CAMK1D: variants seen among roughly 807,000 people sequenced by gnomAD.
The protein encoded by CAMK1D is calcium/calmodulin dependent protein kinase ID.
A neutral mutation model predicts 47.7 loss-of-function variants in CAMK1D; 9 were observed. That is an observed-to-expected ratio of 0.19 (90% CI 0.11 to 0.33). CAMK1D has a LOEUF of 0.33. CAMK1D is among the 10% of genes least tolerant of loss of function. The pLI, the probability that CAMK1D is intolerant of heterozygous loss-of-function variation, is 1.00. For missense variants in CAMK1D, 291 were observed against 488.7 expected, an observed-to-expected ratio of 0.60 and a Z score of 3.81; for synonymous variants, 184 against 184.9, an observed-to-expected ratio of 0.99 and a Z score of 0.04.
chr10:12,430,581 G>A (rs1396818218), intron 1 of CAMK1D, among the ~76,000 whole-genome samples: 1 of 152,210 alleles, frequency 6.6e-6, no homozygotes, highest in Non-Finnish European at 1.5e-5. Flanking sequence ...TGCTGATTTT[G>A]CAAACACACT....
intron 1 of CAMK1D, among the ~76,000 whole-genome samples, chr10:12,471,617 G>A (rs1833748676): frequency 6.6e-6 from 1 of 152,196 alleles, no homozygotes; most frequent in Non-Finnish European, 1.5e-5. Context: ...TAGAATGCCT[G>A]CCCCTTCACT....
intron 1 of CAMK1D, among the ~76,000 whole-genome samples, chr10:12,412,248 T>A (rs1055461635): frequency 6.6e-6 from 1 of 152,036 alleles, no homozygotes; most frequent in East Asian, 1.9e-4. Context: ...GAGGGGAAGC[T>A]GTCCCCTGCC....
intron 1 of CAMK1D, among the ~76,000 whole-genome samples, chr10:12,468,404 G>T (rs1344726124): frequency 1.3e-5 from 2 of 152,210 alleles, no homozygotes; most frequent in African/African-American, 4.8e-5. Flanking sequence ...GGTGAAGTAT[G>T]ATTGGAGAAA....
intron 2 of CAMK1D, among the ~76,000 whole-genome samples, chr10:12,585,799 C>G (rs1039640479): frequency 1.3e-5 from 2 of 152,186 alleles, no homozygotes; most frequent in Non-Finnish European, 2.9e-5. Flanking sequence ...GGGACACAGC[C>G]AAACCACGTC....
intron 8 of CAMK1D, among the ~76,000 whole-genome samples, chr10:12,821,689 A>C (rs1050023888): frequency 2.6e-5 from 4 of 152,210 alleles, no homozygotes; most frequent in Non-Finnish European, 5.9e-5. Flanking sequence ...AAAACCAGAA[A>C]GCTGGCCGGG....
chr10:12,768,658 G>A (rs542813485), intron 4 of CAMK1D, among the ~76,000 whole-genome samples: 2 of 151,396 alleles, frequency 1.3e-5, no homozygotes, highest in African/African-American at 2.4e-5. Context: ...GTGATAAATC[G>A]TCACCATGAT....
intron 3 of CAMK1D, among the ~76,000 whole-genome samples, chr10:12,717,901 A>G (rs1404959866): frequency 6.6e-6 from 1 of 151,638 alleles, no homozygotes; most frequent in Non-Finnish European, 1.5e-5. Context: ...CAAAAAAAAA[A>G]AAAAAAGAAA....
intron 1 of CAMK1D, among the ~76,000 whole-genome samples, chr10:12,411,186 G>A (rs181163625): frequency 1.5e-4 from 23 of 152,294 alleles, no homozygotes; most frequent in Admixed American, 3.3e-4. Flanking sequence ...GGGACGGGAC[G>A]ACCTCGACTA....
intron 5 of CAMK1D, among the ~76,000 whole-genome samples, 158 bp from the exon 6 acceptor site, chr10:12,791,000 C>T (rs548082951): frequency 6.7e-5 from 8 of 119,352 alleles, no homozygotes; most frequent in Admixed American, 4.6e-4. Context: ...TATCTTCCTT[C>T]CTTTAAAAAA....
intron 1 of CAMK1D, among the ~76,000 whole-genome samples, chr10:12,371,588 C>A (rs1166286338): frequency 1.7e-4 from 24 of 144,800 alleles, no homozygotes; most frequent in South Asian, 4.4e-4. Flanking sequence ...AAAAAAAAAA[C>A]CAAAAAAAAA....
intron 3 of CAMK1D, among the ~76,000 whole-genome samples, chr10:12,686,742 A>T (rs1832680390): frequency 6.6e-6 from 1 of 152,180 alleles, no homozygotes; most frequent in Non-Finnish European, 1.5e-5. Flanking sequence ...CAGAGGGAAG[A>T]TTGGGTGTTT....
At chr10:12,357,654 C>A (rs577839867) in intron 1 of CAMK1D, among the ~76,000 whole-genome samples, 1 of 152,258 alleles carries the variant, frequency 6.6e-6, no homozygotes, top group East Asian at 1.9e-4. Flanking sequence ...TGCTTATAGG[C>A]AGCCACCATG....
At chr10:12,709,975 C>T (rs940706217) in intron 3 of CAMK1D, among the ~76,000 whole-genome samples, 2 of 152,182 alleles carry the variant, frequency 1.3e-5, no homozygotes, top group African/African-American at 4.8e-5. Flanking sequence ...AGTCAGACTG[C>T]ATAGGTTTGC....
At chr10:12,624,506 C>T (rs1209092688) in intron 2 of CAMK1D, among the ~76,000 whole-genome samples, 1 of 152,132 alleles carries the variant, frequency 6.6e-6, no homozygotes, top group Non-Finnish European at 1.5e-5. Context: ...AGTATTTGTC[C>T]TTTTGTGACC....
chr10:12,587,443 T>C (rs888156064), intron 2 of CAMK1D, among the ~76,000 whole-genome samples: 3 of 151,904 alleles, frequency 2.0e-5, no homozygotes, highest in Non-Finnish European at 4.4e-5. Context: ...TTAGCAGCTT[T>C]GATGACAGCC....
Position 12,626,481 on chromosome 10 carries a change from T to TC in CAMK1D, c.225-40255_225-40254insC, listed in dbSNP as rs1392742199. ...TCACCAATTTTCTTTCTTTCTTTTT[T>TC]TTTTTTTTTTGAGATGGAGTCTCAT... On this transcript the variant is annotated intron_variant, in intron 2 of 10. Coordinates refer to ENST00000619168, the MANE Select transcript of CAMK1D (RefSeq NM_153498.4). Among the ~76,000 whole-genome samples, 21 of 150,804 alleles carry TC rather than the reference T, an allele frequency of 1.4e-4. 2 individuals carry two copies. The highest frequency in any genetic ancestry group is 9.9e-4 in the Admixed American group (15 of 15,194).
At position 12,386,171 on chromosome 10, in the gene CAMK1D, G is replaced by T. The variant is rs1440342921; in HGVS notation, c.92+36261G>T. ...AGCTCAAATAGAGCCAAGCGTGATG[G>T]CTCCTGTATGTAATTCCAGCACTTT... On this transcript the variant is annotated intron_variant, in intron 1 of 10. Transcript: ENST00000619168. 2.0e-5 allele frequency among the ~76,000 whole-genome samples: 3 copies of T among 152,336 alleles called. No individual in the cohort carries two copies. The East Asian group carries it at 5.8e-4, about 29-fold the overall frequency.
chr10:12,819,555 G>A (rs192473997), intron 8 of CAMK1D, among the ~76,000 whole-genome samples: 26 of 152,336 alleles, frequency 1.7e-4, no homozygotes, highest in Admixed American at 9.8e-4. Flanking sequence ...TACGGACCCC[G>A]CAGGACTTTT....
At chr10:12,634,094 A>T (rs920373657) in intron 2 of CAMK1D, among the ~76,000 whole-genome samples, 2 of 152,182 alleles carry the variant, frequency 1.3e-5, no homozygotes, top group Non-Finnish European at 2.9e-5. Flanking sequence ...GGTGAGATTC[A>T]GGGTGCACTG....
Sources: allele counts gnomAD v4.1 joint callset (sites outside exome capture counted in the v4.1 genomes callset), GRCh38; gene constraint gnomAD v4.1.1; transcripts MANE v1.5; gene names NCBI Gene and HGNC (gene_info 2026-07-23, HGNC 2026-07-21).